NRXN2: variants seen among roughly 807,000 people sequenced by gnomAD.
NRXN2 encodes neurexin 2, also known as neurexin-2-beta.
A neutral mutation model predicts 128.8 loss-of-function variants in NRXN2; 29 were observed. The observed-to-expected ratio is 0.23, with a 90% CI of 0.17 to 0.31. The LOEUF (loss-of-function observed/expected upper bound fraction) is 0.31, where lower values mean the gene tolerates loss of function less well. NRXN2 is among the 10% of genes least tolerant of loss of function. The pLI is 1.00. For synonymous variants in NRXN2, 1,098 were observed against 1,075.2 expected, an observed-to-expected ratio of 1.02 and a Z score of -0.41; for missense variants, 1,881 against 2,452.6, an observed-to-expected ratio of 0.77 and a Z score of 4.92.
At chr11:64,665,942 A>G (rs2049791335) in intron 9 of NRXN2, among the ~76,000 whole-genome samples, 1 of 152,212 alleles carries the variant, frequency 6.6e-6, no homozygotes. Context: ...AGTGGCTAGA[A>G]GCAACAGAAG....
At chr11:64,654,123 G>C (rs2047911135) in intron 11 of NRXN2, among the ~76,000 whole-genome samples, 1 of 152,194 alleles carries the variant, frequency 6.6e-6, no homozygotes, top group Admixed American at 6.5e-5. Flanking sequence ...TGGGTGGGGA[G>C]AGCCAGAATC....
intron 17 of NRXN2, among the ~76,000 whole-genome samples, chr11:64,638,112 G>A (rs1397397972): frequency 1.3e-5 from 2 of 152,162 alleles, no homozygotes; most frequent in Non-Finnish European, 2.9e-5. Flanking sequence ...GACAGGGACT[G>A]GCCAAGCGTG....
intron 22 of NRXN2, among the ~76,000 whole-genome samples, chr11:64,613,886 C>T (rs140554644): frequency 1.4e-4 from 21 of 152,218 alleles, no homozygotes; most frequent in African/African-American, 3.9e-4. Flanking sequence ...TGGTGCACAC[C>T]GTTGCTCATG....
chr11:64,684,540 G>A (rs567110824), intron 6 of NRXN2, among the ~76,000 whole-genome samples: 75 of 152,136 alleles, frequency 4.9e-4, no homozygotes, highest in Non-Finnish European at 9.3e-4. Flanking sequence ...GCAAGGAGGA[G>A]TGGCATTAAT....
chr11:64,669,463 G>C (rs1239015505), intron 7 of NRXN2, among the ~76,000 whole-genome samples: 2 of 152,186 alleles, frequency 1.3e-5, no homozygotes, highest in East Asian at 3.8e-4. Context: ...AACAGACGGG[G>C]ACAGGGCTAA....
intron 7 of NRXN2, among the ~76,000 whole-genome samples, chr11:64,671,198 G>A (rs1383141603): frequency 1.3e-5 from 2 of 152,106 alleles, no homozygotes. Context: ...AGTAGCAGGA[G>A]GAAGGACAAC....
Position 64,714,717 on chromosome 11 carries a change from C to CAG in NRXN2, c.-244-775_-244-774insCT, listed in dbSNP as rs2057238646. Among the ~76,000 whole-genome samples the CAG allele has an allele frequency of 1.3e-5, 2 of 152,208 alleles. No individual in the cohort carries two copies. Among genetic ancestry groups the CAG allele is most frequent in the African/African-American group, 4.8e-5 (2 of 41,442 alleles). ...CAGGACTGGCCCCACTACCTGGGCTCTCTTTACCCCTCAGTTCCCTCTGCC... is the reference window on the plus strand; with the variant it reads ...CAGGACTGGCCCCACTACCTGGGCTCAGTCTTTACCCCTCAGTTCCCTCTGCC... On this transcript the variant is annotated intron_variant, in intron 1 of 22. Transcript: ENST00000265459. The surrounding 1 kb of genome is among the most constrained non-coding windows in gnomAD (Gnocchi z 4.5).
chr11:64,671,530 C>T (rs573747644), intron 7 of NRXN2, among the ~76,000 whole-genome samples: 41 of 152,040 alleles, frequency 2.7e-4, no homozygotes, highest in African/African-American at 9.6e-4. Context: ...GGGGTGGGGC[C>T]GGTGGGGGAG....
chr11:64,672,072 GCTT>G (rs1456642208), intron 7 of NRXN2, among the ~76,000 whole-genome samples: 1 of 152,220 alleles, frequency 6.6e-6, no homozygotes, highest in Admixed American at 6.5e-5. Flanking sequence ...ATGAGCCAGA[GCTT>G]CTGCCCTGGA....
At chr11:64,687,822 G>C (rs576533502) in intron 5 of NRXN2, among the ~76,000 whole-genome samples, 2 of 152,288 alleles carry the variant, frequency 1.3e-5, no homozygotes, top group Admixed American at 6.5e-5. Context: ...GATGGGAAGA[G>C]AGCCAGCAAC....
intron 3 of NRXN2, among the ~76,000 whole-genome samples, chr11:64,696,383 G>A (rs1247322883): frequency 6.6e-6 from 1 of 152,096 alleles, no homozygotes; most frequent in Non-Finnish European, 1.5e-5. Flanking sequence ...CATCGATGGA[G>A]GCGCACAGCA....
intron 22 of NRXN2, among the ~76,000 whole-genome samples, chr11:64,608,633 T>C (rs1010855124): frequency 6.6e-6 from 1 of 152,040 alleles, no homozygotes; most frequent in Non-Finnish European, 1.5e-5. Context: ...AAGCGGGTTC[T>C]CCCGGAAAAA....
At chr11:64,639,591 AC>A (rs1591690317) in intron 17 of NRXN2, among the ~76,000 whole-genome samples, 1 of 152,140 alleles carries the variant, frequency 6.6e-6, no homozygotes, top group East Asian at 1.9e-4. Context: ...CATTTTTAGG[AC>A]CCAGGTGTGC....
In NRXN2 at chr11:64,692,742, T is replaced by C. The variant is rs1263109381; in HGVS notation, c.778+105A>G. 31 of 931,566 alleles carry C rather than the reference T, an allele frequency of 3.3e-5. No individual in the cohort carries two copies. In the East Asian group the frequency reaches 1.5e-3, roughly 45 times the overall value. The allele number at this position is 931,566 out of a possible 1,614,324, so 57.7% of individuals were successfully genotyped here. Reference sequence around the variant, plus strand: ...AAAGGAAGGAAGGTGTCAGGACAGGTGGAGGAGGGGAAGGGGACAGGGGAA... The same window carrying C: ...AAAGGAAGGAAGGTGTCAGGACAGGCGGAGGAGGGGAAGGGGACAGGGGAA... On this transcript the variant is annotated intron_variant, in intron 4 of 22. Coordinates refer to ENST00000265459, the MANE Select transcript of NRXN2 (RefSeq NM_015080.4).
At chr11:64,633,741 A>G (rs1170706552) in intron 18 of NRXN2, among the ~76,000 whole-genome samples, 1 of 152,016 alleles carries the variant, frequency 6.6e-6, no homozygotes, top group Non-Finnish European at 1.5e-5. Context: ...CCTGACACAC[A>G]TCACCATGCA....
chr11:64,693,001 T>A, intron 3 of NRXN2, 125 bp from the exon 4 acceptor site: 1 of 839,132 alleles, frequency 1.2e-6, no homozygotes, highest in Non-Finnish European at 1.9e-6. Flanking sequence ...GAAAAAAGCT[T>A]TTGCTGCCAC....
intron 1 of NRXN2, among the ~76,000 whole-genome samples, chr11:64,718,107 C>T (rs2135690118): frequency 6.6e-6 from 1 of 152,324 alleles, no homozygotes; most frequent in East Asian, 1.9e-4. Flanking sequence ...CTGGCCTTCC[C>T]TTCCAGACAT....
intron 2 of NRXN2, among the ~76,000 whole-genome samples, chr11:64,706,545 T>C (rs966396314): frequency 3.9e-5 from 6 of 152,096 alleles, no homozygotes; most frequent in African/African-American, 1.4e-4. Context: ...TGTGGCTCCA[T>C]TTGCCAATAC....
intron 19 of NRXN2, among the ~76,000 whole-genome samples, chr11:64,629,184 A>C (rs1403424875): frequency 6.6e-6 from 1 of 152,130 alleles, no homozygotes; most frequent in African/African-American, 2.4e-5. Context: ...CAGCCTGGCT[A>C]TCTCTCCGCC....
Sources: gnomAD v4.1 joint callset for allele counts (sites outside exome capture counted in the v4.1 genomes callset) on GRCh38, gnomAD v4.1.1 for gene constraint, Gnocchi (gnomAD v3.1) non-coding constraint, MANE v1.5 for transcripts, NCBI Gene and HGNC (gene_info 2026-07-23, HGNC 2026-07-21) for gene names.